Variants in NRG3 observed in about 807,000 individuals in gnomAD.
NRG3 encodes pro-neuregulin-3, membrane-bound isoform.
NRG3 carries 31 observed loss-of-function variants against 66.9 expected under a neutral mutation model. The observed-to-expected ratio is 0.46, with a 90% CI of 0.35 to 0.63. The LOEUF (loss-of-function observed/expected upper bound fraction) is 0.63. NRG3 is among the 20% of genes least tolerant of loss of function. The probability of loss-of-function intolerance (pLI) is 0.00; values close to 1 mark genes in which losing one functional copy is unlikely to be tolerated. For missense variants in NRG3, 910 were observed against 878.9 expected (o/e 1.04, Z -0.45); for synonymous variants, 393 against 359.4 (o/e 1.09, Z -1.06).
intron 8 of NRG3, among the ~76,000 whole-genome samples, chr10:82,982,352 C>A (rs1853013537): frequency 6.6e-6 from 1 of 152,146 alleles, no homozygotes; most frequent in Non-Finnish European, 1.5e-5. Context: ...TAGTTACAGA[C>A]AAGATGCATT....
At chr10:82,598,515 TA>T (rs1260476916) in intron 2 of NRG3, among the ~76,000 whole-genome samples, 1 of 152,100 alleles carries the variant, frequency 6.6e-6, no homozygotes, top group Non-Finnish European at 1.5e-5. Context: ...AGAAGTCTGG[TA>T]AAAAAGATAA....
At chr10:82,114,480 T>C (rs1010157203) in intron 1 of NRG3, among the ~76,000 whole-genome samples, 6 of 152,118 alleles carry the variant, frequency 3.9e-5, no homozygotes, top group African/African-American at 1.4e-4. Flanking sequence ...GCATCCTTTA[T>C]AGATAAGCTG....
intron 2 of NRG3, among the ~76,000 whole-genome samples, chr10:82,699,275 G>A (rs1295432540): frequency 6.9e-6 from 1 of 145,742 alleles, no homozygotes; most frequent in Admixed American, 6.8e-5. Context: ...AAGGAAGGAA[G>A]GAAGCAAGGG....
chr10:82,077,416 G>A (rs2065149771), intron 1 of NRG3, among the ~76,000 whole-genome samples: 2 of 152,126 alleles, frequency 1.3e-5, no homozygotes, highest in African/African-American at 4.8e-5. Context: ...ATTCCACTCA[G>A]TTTAACAAAT....
chr10:82,054,249 G>A (rs1174226981), intron 1 of NRG3, among the ~76,000 whole-genome samples: 1 of 152,114 alleles, frequency 6.6e-6, no homozygotes, highest in Non-Finnish European at 1.5e-5. Flanking sequence ...CCATTAGAAA[G>A]CTTTTTCAAT....
At chr10:82,357,600 G>A (rs2135573187) in intron 1 of NRG3, among the ~76,000 whole-genome samples, 1 of 152,312 alleles carries the variant, frequency 6.6e-6, no homozygotes, top group Admixed American at 6.5e-5. Flanking sequence ...CACATGGATA[G>A]GGAGTAAGAG....
chr10:82,262,775 T>G (rs2078097406), intron 1 of NRG3, among the ~76,000 whole-genome samples: 1 of 152,232 alleles, frequency 6.6e-6, no homozygotes, highest in Admixed American at 6.5e-5. Context: ...ATATGTGATC[T>G]GCTTTTTCCC....
intron 1 of NRG3, among the ~76,000 whole-genome samples, chr10:82,142,528 T>G (rs2069874363): frequency 6.6e-6 from 1 of 152,088 alleles, no homozygotes; most frequent in Admixed American, 6.6e-5. Flanking sequence ...AGTTTACACG[T>G]TTCTAAGCTT....
intron 1 of NRG3, among the ~76,000 whole-genome samples, chr10:82,176,725 G>A (rs910419377): frequency 6.6e-6 from 1 of 152,004 alleles, no homozygotes; most frequent in Non-Finnish European, 1.5e-5. Context: ...GATCCCCCTG[G>A]TAATTTCCTG....
intron 1 of NRG3, among the ~76,000 whole-genome samples, chr10:82,110,865 A>C (rs552892899): frequency 6.6e-6 from 1 of 152,266 alleles, no homozygotes; most frequent in African/African-American, 2.4e-5. Context: ...AGTCATCAGA[A>C]TATAGTTGTT....
intron 1 of NRG3, among the ~76,000 whole-genome samples, chr10:82,275,119 A>G (rs2078777761): frequency 1.3e-5 from 2 of 152,082 alleles, no homozygotes; most frequent in Non-Finnish European, 2.9e-5. Context: ...ACAGCTTTGA[A>G]TCCAATAACC....
At chr10:81,951,226 C>T (rs971622467) in intron 1 of NRG3, among the ~76,000 whole-genome samples, 1 of 152,104 alleles carries the variant, frequency 6.6e-6, no homozygotes, top group Admixed American at 6.6e-5. Flanking sequence ...TTTTCTTCTT[C>T]TCTTTCTGAA....
intron 1 of NRG3, among the ~76,000 whole-genome samples, chr10:81,906,565 A>G (rs530038171): frequency 1.3e-5 from 2 of 152,310 alleles, no homozygotes; most frequent in East Asian, 1.9e-4. Flanking sequence ...CAGAAACAGC[A>G]TGGCGTCCAA....
chr10:82,493,325 C>G (rs941777628), intron 2 of NRG3, among the ~76,000 whole-genome samples: 3 of 152,066 alleles, frequency 2.0e-5, no homozygotes, highest in Non-Finnish European at 4.4e-5. Flanking sequence ...GTTCCTCTCC[C>G]TGTGTCTATG....
At chr10:82,077,287 C>T (rs1564539119) in intron 1 of NRG3, among the ~76,000 whole-genome samples, 1 of 152,128 alleles carries the variant, frequency 6.6e-6, no homozygotes, top group Non-Finnish European at 1.5e-5. Context: ...GACACTTAAT[C>T]CATCTCAATG....
rs554936000 is a variant in NRG3 at position 82,736,583 on chromosome 10, A to G, written c.954-1994A>G. The stretch of plus-strand genomic sequence containing the variant: ...GCACAGAGTTATGGAGGCAGGAGGA[A>G]AGTACTCACTATGCAATTTTCCTGA... On this transcript the variant is annotated intron_variant, in intron 2 of 8. Transcript: ENST00000372141. Among the ~76,000 whole-genome samples the G allele has an allele frequency of 1.7e-3, 257 of 152,300 alleles. 10 individuals carry two copies. The South Asian group carries it at 0.051, about 30-fold the overall frequency.
rs151067740 is a variant in NRG3 at position 82,828,790 on chromosome 10, G to C, written c.1028-36621G>C. On this transcript the variant is annotated intron_variant, in intron 3 of 8. Transcript: ENST00000372141. Reference sequence around the variant, plus strand: ...AAAAGAAAGATGCAAAATCTAACTGGCAAAGGAATAAAATCAAATCAGACA... The same window carrying C: ...AAAAGAAAGATGCAAAATCTAACTGCCAAAGGAATAAAATCAAATCAGACA... 3.6e-3 allele frequency among the ~76,000 whole-genome samples: 548 copies of C among 152,222 alleles called. 7 individuals are homozygous for C. Among genetic ancestry groups the C allele is most frequent in the African/African-American group, 0.013 (532 of 41,526 alleles).
intron 4 of NRG3, among the ~76,000 whole-genome samples, chr10:82,899,444 G>C (rs1309956950): frequency 6.6e-6 from 1 of 152,152 alleles, no homozygotes; most frequent in South Asian, 2.1e-4. Context: ...AAAGGACTTA[G>C]GAAATATATC....
intron 1 of NRG3, among the ~76,000 whole-genome samples, chr10:81,981,011 C>T (rs1037834162): frequency 1.3e-5 from 2 of 152,134 alleles, no homozygotes; most frequent in African/African-American, 4.8e-5. Flanking sequence ...ATGGTTGGGG[C>T]TTCAATGTAT....
Sources: allele counts gnomAD v4.1 joint callset (sites outside exome capture counted in the v4.1 genomes callset), GRCh38; gene constraint gnomAD v4.1.1; transcripts MANE v1.5; gene names NCBI Gene and HGNC (gene_info 2026-07-23, HGNC 2026-07-21).